The following SLC16A7 variants were observed in gnomAD, a reference collection of about 807,000 sequenced individuals.
SLC16A7 encodes the protein solute carrier family 16 member 7, also known as monocarboxylate transporter 2.
In SLC16A7, 33 loss-of-function variants were observed where a neutral mutation model predicts 34.9. The observed-to-expected ratio is 0.94, with a 90% CI of 0.72 to 1.26. The LOEUF is 1.26. SLC16A7 is among the 50% of genes most tolerant of loss of function. The pLI is 0.00. For missense variants in SLC16A7, 573 were observed against 578.1 expected (o/e 0.99, Z 0.09); for synonymous variants, 201 against 206.6 (o/e 0.97, Z 0.23).
At chr12:59,727,235 A>G (rs1876394192) in intron 3 of SLC16A7, among the ~76,000 whole-genome samples, 1 of 151,576 alleles carries the variant, frequency 6.6e-6, no homozygotes, top group African/African-American at 2.4e-5. Flanking sequence ...GTATTTAGTC[A>G]TGAAAAGATG....
rs1306516358 is a variant in SLC16A7 at position 59,628,652 on chromosome 12, G to GTGTGCGTGTGTGTGTGCA, written c.-129-26482_-129-26465dup. On this transcript the variant is annotated intron_variant, in intron 1 of 5. Transcript: ENST00000547379. ...CATCATATTCTTTGTGTGTGTGTAA[G>GTGTGCGTGTGTGTGTGCA]TGTGCGTGTGTGTGTGCATGTGCGT... Among the ~76,000 whole-genome samples the GTGTGCGTGTGTGTGTGCA allele has an allele frequency of 3.3e-5, 5 of 151,598 alleles. No individual in the cohort carries two copies. The East Asian group carries it at 7.8e-4, about 24-fold the overall frequency.
chr12:59,767,531 C>T (rs1422997999), intron 3 of SLC16A7, among the ~76,000 whole-genome samples: 2 of 151,886 alleles, frequency 1.3e-5, no homozygotes, highest in African/African-American at 2.4e-5. Context: ...AATCTGTGGC[C>T]CTTAATAATT....
chr12:59,624,231 CT>C (rs747288562), intron 1 of SLC16A7, among the ~76,000 whole-genome samples: 1 of 151,534 alleles, frequency 6.6e-6, no homozygotes, highest in African/African-American at 2.4e-5. Context: ...ACTCATATCT[CT>C]TTTTTTGAGA....
intron 1 of SLC16A7, among the ~76,000 whole-genome samples, chr12:59,628,276 A>G (rs1229791168): frequency 6.6e-6 from 1 of 151,852 alleles, no homozygotes; most frequent in Non-Finnish European, 1.5e-5. Context: ...AAAGTCTTAA[A>G]TTATCTTGCA....
At chr12:59,634,944 G>A (rs1235659257) in intron 1 of SLC16A7, among the ~76,000 whole-genome samples, 1 of 151,970 alleles carries the variant, frequency 6.6e-6, no homozygotes, top group African/African-American at 2.4e-5. Flanking sequence ...TGCCTGTTAT[G>A]GTTTCCACAT....
chr12:59,782,967 A>G lies in SLC16A7; in HGVS notation c.*3288A>G, dbSNP rs1222268089. 4 of 152,178 alleles carry G rather than the reference A, an allele frequency of 2.6e-5. No individual in the cohort carries two copies. In the East Asian group the frequency reaches 7.7e-4, roughly 29 times the overall value. 9.4% of individuals were successfully genotyped at this position (152,178 alleles called of 1,614,324 possible). A position where few individuals can be genotyped will look rare whatever the true frequency, so the allele number is the denominator to read the frequency against. On this transcript the variant is annotated 3_prime_UTR_variant, in exon 6 of 6. Coordinates refer to ENST00000547379, the MANE Select transcript of SLC16A7 (RefSeq NM_001270623.2). ...AACAAGTAAAATAATTAGATTTTCTATGTTTGAATGTGCACTTTAAAAAAT... is the reference window on the plus strand; with the variant it reads ...AACAAGTAAAATAATTAGATTTTCTGTGTTTGAATGTGCACTTTAAAAAAT...
At chr12:59,778,637 A>AT (rs1409980433) in intron 5 of SLC16A7, among the ~76,000 whole-genome samples, 4 of 152,148 alleles carry the variant, frequency 2.6e-5, no homozygotes, top group Non-Finnish European at 5.9e-5. Context: ...ACCAGGCTAG[A>AT]TTTTAAATGG....
At chr12:59,629,610 A>G (rs1375981866) in intron 1 of SLC16A7, among the ~76,000 whole-genome samples, 1 of 151,998 alleles carries the variant, frequency 6.6e-6, no homozygotes, top group East Asian at 1.9e-4. Context: ...CCATTGCTAT[A>G]AAAGCCTTCC....
rs558330181 is a variant in SLC16A7, at chr12:59,718,814, C to A, written c.217+13796C>A. Reference sequence around the variant, plus strand: ...ATGCCTGCTTTGCCTTATATTTCAACCTAAAAGAATTGTAGACATAAGGAG... The same window carrying A: ...ATGCCTGCTTTGCCTTATATTTCAAACTAAAAGAATTGTAGACATAAGGAG... On this transcript the variant is annotated intron_variant, in intron 3 of 5. Transcript: ENST00000547379. 2.2e-4 allele frequency among the ~76,000 whole-genome samples: 33 copies of A among 152,182 alleles called. No homozygotes were observed. The East Asian group carries it at 4.4e-3, about 20-fold the overall frequency.
intron 3 of SLC16A7, among the ~76,000 whole-genome samples, chr12:59,732,254 T>TAA (rs557538720): frequency 4.0e-5 from 6 of 150,378 alleles, no homozygotes; most frequent in Non-Finnish European, 5.9e-5. Flanking sequence ...CTATCTCTAC[T>TAA]AAAAAAAAAC....
intron 3 of SLC16A7, among the ~76,000 whole-genome samples, chr12:59,710,339 A>G (rs1244714661): frequency 1.3e-5 from 2 of 152,226 alleles, no homozygotes; most frequent in Non-Finnish European, 2.9e-5. Flanking sequence ...TCATGGAATA[A>G]AAGTGAGAGG....
intron 3 of SLC16A7, among the ~76,000 whole-genome samples, chr12:59,753,211 A>C (rs12819452): frequency 7.9e-4 from 120 of 152,200 alleles, no homozygotes; most frequent in African/African-American, 2.8e-3. Flanking sequence ...CGAGCAAAAT[A>C]ACCAGCTAAC....
At chr12:59,736,714 T>G (rs1877647992) in intron 3 of SLC16A7, among the ~76,000 whole-genome samples, 8 of 152,196 alleles carry the variant, frequency 5.3e-5, no homozygotes, top group Admixed American at 5.2e-4. Context: ...AATTAAGACC[T>G]CATCTTAATT....
Position 59,653,228 on chromosome 12 carries a change from C to T in SLC16A7, c.-129-1924C>T, listed in dbSNP as rs537690255. On this transcript the variant is annotated intron_variant, in intron 1 of 5. Transcript: ENST00000547379. ...AAAAACCAGGGAATTTCTAAAGTCA[C>T]GTTGTTAAAAGAAATTTTTAGTTGA... Among the ~76,000 whole-genome samples, 229 of 151,500 alleles carry T rather than the reference C, an allele frequency of 1.5e-3. No homozygotes were observed. In the Middle Eastern group the frequency reaches 0.017, roughly 11 times the overall value.
At chr12:59,750,267 A>G (rs1879364022) in intron 3 of SLC16A7, among the ~76,000 whole-genome samples, 1 of 152,204 alleles carries the variant, frequency 6.6e-6, no homozygotes, top group Non-Finnish European at 1.5e-5. Flanking sequence ...CTATCATCAG[A>G]GTGAACAGGC....
At chr12:59,720,095 A>G (rs1040394301) in intron 3 of SLC16A7, 1 of 700,320 alleles carries the variant, frequency 1.4e-6, no homozygotes, top group African/African-American at 1.8e-5. Flanking sequence ...ATCATATGCA[A>G]TAGCTGTATA....
At chr12:59,706,766 G>T (rs1319583526) in intron 3 of SLC16A7, among the ~76,000 whole-genome samples, 1 of 152,142 alleles carries the variant, frequency 6.6e-6, no homozygotes, top group African/African-American at 2.4e-5. Context: ...TATGTAGAGG[G>T]TTTTCTTGCC....
In SLC16A7 at chr12:59,784,812, T is replaced by G. The variant is rs533363683; in HGVS notation, c.*5133T>G. 1 of 152,224 alleles carries G rather than the reference T, an allele frequency of 6.6e-6. No individual in the cohort carries two copies. The highest frequency in any genetic ancestry group is 1.5e-5 in the Non-Finnish European group (1 of 68,042). The allele number at this position is 152,224 out of a possible 1,614,324, so 9.4% of individuals were successfully genotyped here. Reference sequence around the variant, plus strand: ...ATTTTAGAGTCTTGAAAAACTGATCTTCTTTGGCACTATCCTGAATGTTTC... The same window carrying G: ...ATTTTAGAGTCTTGAAAAACTGATCGTCTTTGGCACTATCCTGAATGTTTC... On this transcript the variant is annotated 3_prime_UTR_variant, in exon 6 of 6. Transcript: ENST00000547379.
intron 1 of SLC16A7, among the ~76,000 whole-genome samples, chr12:59,646,981 T>C (rs750910912): frequency 7.2e-5 from 11 of 152,196 alleles, no homozygotes; most frequent in Non-Finnish European, 1.5e-4. Context: ...CCAATTCCTG[T>C]ACCCCCATTG....
Sources: allele counts gnomAD v4.1 joint callset (sites outside exome capture counted in the v4.1 genomes callset), GRCh38; gene constraint gnomAD v4.1.1; transcripts MANE v1.5; gene names NCBI Gene and HGNC (gene_info 2026-07-23, HGNC 2026-07-21).